Variants in DOCK5 observed in about 807,000 individuals in gnomAD.
DOCK5 encodes the protein dedicator of cytokinesis protein 5.
In DOCK5, 142 loss-of-function variants were observed where a neutral mutation model predicts 251.8. The ratio of observed to expected loss-of-function variants is 0.56; its 90% CI spans 0.49 to 0.65. DOCK5 has a LOEUF of 0.65. DOCK5 is among the 30% of genes least tolerant of loss of function. The probability of loss-of-function intolerance (pLI) is 0.00; values close to 1 mark genes in which losing one functional copy is unlikely to be tolerated. For missense variants in DOCK5, 2,111 were observed against 2,312.3 expected, an observed-to-expected ratio of 0.91 and a Z score of 1.79; for synonymous variants, 842 against 835.5, an observed-to-expected ratio of 1.01 and a Z score of -0.13.
intron 1 of DOCK5, among the ~76,000 whole-genome samples, chr8:25,231,386 AG>A (rs979682460): frequency 2.0e-5 from 3 of 152,152 alleles, no homozygotes; most frequent in African/African-American, 7.2e-5. Flanking sequence ...CACTTGTGCA[AG>A]TGTTTCTCTG....
chr8:25,323,735 T>G, intron 16 of DOCK5, 113 bp from the exon 17 acceptor site: 1 of 1,196,486 alleles, frequency 8.4e-7, no homozygotes. Context: ...TCAGTTGTGC[T>G]TATTAGAATA....
chr8:25,318,523 T>G, intron 14 of DOCK5, among the ~76,000 whole-genome samples: 1 of 44,982 alleles, frequency 2.2e-5, no homozygotes, highest in Non-Finnish European at 4.0e-5. Context: ...TCCCCTCCCC[T>G]CCCTTCTCCT....
chr8:25,239,158 T>G (rs950378866), intron 1 of DOCK5, among the ~76,000 whole-genome samples: 1 of 152,122 alleles, frequency 6.6e-6, no homozygotes, highest in Admixed American at 6.5e-5. Flanking sequence ...GCTCAGAATT[T>G]AGGGGAGAAC....
chr8:25,330,780 G>T (rs1005969273), intron 18 of DOCK5, among the ~76,000 whole-genome samples: 3 of 151,600 alleles, frequency 2.0e-5, no homozygotes, highest in African/African-American at 7.3e-5. Context: ...ATATCAGCCG[G>T]GCGCAGTGGC....
At chr8:25,237,192 C>A (rs1187016633) in intron 1 of DOCK5, among the ~76,000 whole-genome samples, 3 of 151,924 alleles carry the variant, frequency 2.0e-5, no homozygotes, top group African/African-American at 7.3e-5. Flanking sequence ...CATGGTGAAA[C>A]TTTGTCTCTA....
In DOCK5 at chr8:25,363,082, C is replaced by T; in HGVS notation, c.2985C>T (p.Asp995=). ...FLMETFIMFK[D]LIGKNVYAKD... ...TGGAAACTTTTATCATGTTCAAGGA[C>T]CTGATTGGAAAGAATGTCTATGCCA... Residue 995 remains aspartate, a synonymous_variant, in exon 29 of 52, where the codon GAC becomes GAT. Transcript: ENST00000276440. 6.2e-7 allele frequency: 1 copy of T among 1,613,976 alleles called. No individual in the cohort carries two copies. The highest frequency in any genetic ancestry group is 1.1e-5 in the South Asian group (1 of 91,086).
intron 7 of DOCK5, 54 bp from the exon 8 acceptor site, chr8:25,298,890 A>G: frequency 1.9e-6 from 3 of 1,543,796 alleles, no homozygotes; most frequent in Non-Finnish European, 2.6e-6. Context: ...ATTTTTGCCA[A>G]CATTTCCCAT....
At chr8:25,390,083 G>T in intron 41 of DOCK5, 123 bp from the exon 42 acceptor site, 1 of 649,028 alleles carries the variant, frequency 1.5e-6, no homozygotes, top group South Asian at 2.4e-5. Context: ...TCCTGGCATT[G>T]GGGTCAAAGG....
Position 25,184,956 on chromosome 8 carries a change from G to C in DOCK5, c.43+5G>C. The C allele has an allele frequency of 7.1e-7, 1 of 1,415,870 alleles. No homozygotes were observed. Among genetic ancestry groups the C allele is most frequent in the South Asian group, 1.6e-5 (1 of 61,680 alleles). The allele number at this position is 1,415,870 out of a possible 1,614,324, so 87.7% of individuals were successfully genotyped here. A position where few individuals can be genotyped will look rare whatever the true frequency, so the allele number is the denominator to read the frequency against. On this transcript the variant is annotated splice_donor_5th_base_variant and intron_variant, in intron 1 of 51. Transcript: ENST00000276440. Reference sequence around the variant, plus strand: ...AGAGGCAGAAGTACGGGGTTGGTGAGTGCGCGCCCCACCTTGTCCCGGCCC... The same window carrying C: ...AGAGGCAGAAGTACGGGGTTGGTGACTGCGCGCCCCACCTTGTCCCGGCCC...
chr8:25,252,637 T>C (rs1257613203), intron 2 of DOCK5, among the ~76,000 whole-genome samples: 7 of 152,236 alleles, frequency 4.6e-5, no homozygotes, highest in Non-Finnish European at 7.3e-5. Context: ...GAGCTACTAC[T>C]GCTGGTGACA....
chr8:25,275,251 C>A, intron 3 of DOCK5, 135 bp from the exon 4 acceptor site: 1 of 617,210 alleles, frequency 1.6e-6, no homozygotes, highest in Admixed American at 3.7e-5. Context: ...TAAGTGGTGT[C>A]CTGCCAACCT....
chr8:25,276,229 T>A (rs1275530020), intron 4 of DOCK5, among the ~76,000 whole-genome samples: 3 of 152,146 alleles, frequency 2.0e-5, no homozygotes, highest in Non-Finnish European at 4.4e-5. Flanking sequence ...ATCCTGGGTT[T>A]TTCACAGCAT....
intron 16 of DOCK5, 21 bp downstream of exon 16, chr8:25,321,073 G>A: frequency 6.2e-7 from 1 of 1,607,326 alleles, no homozygotes; most frequent in Non-Finnish European, 8.5e-7. Flanking sequence ...AGACGTCTAT[G>A]ACATATTTCC....
chr8:25,356,320 C>A (rs1800568326), intron 27 of DOCK5, among the ~76,000 whole-genome samples: 1 of 152,164 alleles, frequency 6.6e-6, no homozygotes, highest in African/African-American at 2.4e-5. Context: ...CATTTCATTA[C>A]CTTTCTAAAG....
At position 25,351,826 on chromosome 8, in the gene DOCK5, C is replaced by T. The variant is rs780277079; in HGVS notation, c.2850C>T (p.Ile950=). The change falls in exon 27 of 52, where the codon ATC becomes ATT. Residue 950 remains isoleucine (I), a splice_region_variant and synonymous_variant. Transcript: ENST00000276440. The part of the protein sequence containing the change: ...VIGMNRQSPH[I]GSFVACMIAL... The stretch of plus-strand genomic sequence containing the variant: ...GGATGAACCGGCAGTCTCCCCACAT[C>T]GTGAGTATCTCTTTGTTGGATCCCA... 9 of 1,613,160 alleles carry T rather than the reference C, an allele frequency of 5.6e-6. No homozygotes were observed. Among genetic ancestry groups the T allele is most frequent in the South Asian group, 1.1e-5 (1 of 90,898 alleles).
In DOCK5 at chr8:25,197,709, A is replaced by G. The variant is rs190062005; in HGVS notation, c.43+12758A>G. ...AGAGATTCTCCTGCCTCAGCCACCCAAGTAGCTGGGACTACAGGTACATGC... is the reference window on the plus strand; with the variant it reads ...AGAGATTCTCCTGCCTCAGCCACCCGAGTAGCTGGGACTACAGGTACATGC... On this transcript the variant is annotated intron_variant, in intron 1 of 51. Transcript: ENST00000276440. Among the ~76,000 whole-genome samples, 565 of 140,810 alleles carry G rather than the reference A, an allele frequency of 4.0e-3. 2 individuals carry two copies. Among genetic ancestry groups the G allele is most frequent in the Non-Finnish European group, 6.4e-3 (424 of 66,562 alleles). 92.4% of individuals were successfully genotyped at this position (140,810 alleles called of 152,430 possible).
At chr8:25,206,089 C>T (rs1038489319) in intron 1 of DOCK5, among the ~76,000 whole-genome samples, 2 of 152,060 alleles carry the variant, frequency 1.3e-5, no homozygotes. Context: ...GAGGAAGCTT[C>T]AGGGAAGTAG....
intron 2 of DOCK5, 56 bp from the exon 3 acceptor site, chr8:25,268,782 GCTAATAA>G: frequency 7.2e-7 from 1 of 1,393,986 alleles, no homozygotes; most frequent in Non-Finnish European, 9.9e-7. Context: ...AGTATATATT[GCTAATAA>G]CTTTATGATA....
intron 16 of DOCK5, among the ~76,000 whole-genome samples, chr8:25,323,541 G>A (rs186765979): frequency 6.6e-6 from 1 of 152,236 alleles, no homozygotes; most frequent in Admixed American, 6.5e-5. Flanking sequence ...GAAGAGACAG[G>A]CTCCAGAGCT....
Sources: allele counts gnomAD v4.1 joint callset (sites outside exome capture counted in the v4.1 genomes callset), GRCh38; gene constraint gnomAD v4.1.1; transcripts MANE v1.5; gene names NCBI Gene and HGNC (gene_info 2026-07-23, HGNC 2026-07-21).